CRIM1: variants seen among roughly 807,000 people sequenced by gnomAD.
CRIM1 encodes cysteine rich transmembrane BMP regulator 1.
CRIM1 carries 32 observed loss-of-function variants against 116.4 expected under a neutral mutation model. The observed-to-expected ratio is 0.27, with a 90% CI of 0.21 to 0.37. The LOEUF is 0.37. CRIM1 is among the 10% of genes least tolerant of loss of function. CRIM1 has a pLI of 1.00. For missense variants in CRIM1, 1,331 were observed against 1,354.8 expected, an observed-to-expected ratio of 0.98 and a Z score of 0.28; for synonymous variants, 590 against 509.2, an observed-to-expected ratio of 1.16 and a Z score of -2.13.
At chr2:36,448,387 A>G (rs848512) in intron 4 of CRIM1, among the ~76,000 whole-genome samples, 114,592 of 152,142 alleles carry the variant, frequency 0.75, 43,523 homozygotes, top group East Asian at 0.9. Context: ...CTATTTCTCA[A>G]GAAGATAGAG....
At chr2:36,512,964 T>G (rs145680724) in intron 10 of CRIM1, among the ~76,000 whole-genome samples, 1 of 152,176 alleles carries the variant, frequency 6.6e-6, no homozygotes, top group Admixed American at 6.5e-5. Flanking sequence ...CGTTTCTGCC[T>G]TTACCCCAGC....
intron 7 of CRIM1, among the ~76,000 whole-genome samples, chr2:36,480,425 T>A (rs1046436915): frequency 7.9e-5 from 12 of 152,210 alleles, no homozygotes; most frequent in African/African-American, 2.9e-4. Flanking sequence ...ACATTTCTAA[T>A]AGAGGGTATC....
chr2:36,450,910 A>G (rs1457196026), intron 4 of CRIM1, among the ~76,000 whole-genome samples: 1 of 152,204 alleles, frequency 6.6e-6, no homozygotes, highest in Non-Finnish European at 1.5e-5. Flanking sequence ...GAATAGATAG[A>G]GATGTTTAGA....
At chr2:36,534,235 G>A (rs1477684464) in intron 13 of CRIM1, among the ~76,000 whole-genome samples, 1 of 131,686 alleles carries the variant, frequency 7.6e-6, no homozygotes, top group Non-Finnish European at 1.6e-5. Context: ...GAAGGAGGGT[G>A]GGGAAGGAGG....
At position 36,356,447 on chromosome 2, in the gene CRIM1, C is replaced by T. The variant is rs777197020; in HGVS notation, c.155C>T (p.Pro52Leu). The T allele has an allele frequency of 3.1e-6, 5 of 1,612,058 alleles. No homozygotes were observed. The highest frequency in any genetic ancestry group is 1.1e-5 in the South Asian group (1 of 91,004). ...AAGTGCGAGGAGCCCAGGAACTGCC[C>T]GGGGAGCATCGTGCAGGGCGTCTGC... ...ESKCEEPRNC[P>L]GSIVQGVCGC... The change falls in exon 1 of 17, where the codon CCG becomes CTG. Residue 52 changes from proline to leucine, a missense_variant. Around this residue, in one of 3 missense-constraint regions of CRIM1, gnomAD observed 690 missense variants for 676.0 expected, o/e 1.02. Transcript: ENST00000280527. This position sits in a 1 kb window ranked among gnomAD's most constrained non-coding sequence, Gnocchi z 4.3.
chr2:36,526,587 A>G (rs1665772077), intron 13 of CRIM1, among the ~76,000 whole-genome samples: 1 of 152,112 alleles, frequency 6.6e-6, no homozygotes, highest in Admixed American at 6.5e-5. Flanking sequence ...CACACCACTC[A>G]TATGCCTGTG....
intron 8 of CRIM1, among the ~76,000 whole-genome samples, chr2:36,506,099 C>T (rs552827633): frequency 2.3e-4 from 34 of 150,044 alleles, no homozygotes; most frequent in Admixed American, 1.1e-3. Flanking sequence ...AGGTAGGAAT[C>T]GACCTTGAAC....
At chr2:36,510,913 G>A (rs1664626924) in intron 9 of CRIM1, among the ~76,000 whole-genome samples, 1 of 145,860 alleles carries the variant, frequency 6.9e-6, no homozygotes. Context: ...TGTAGTGCTA[G>A]ATTCCTTTTC....
rs775186155 is a variant in CRIM1, at chr2:36,548,600, A to G, written c.3010A>G (p.Arg1004Gly). 13 of 1,612,990 alleles carry G rather than the reference A, an allele frequency of 8.1e-6. No individual in the cohort carries two copies. Among genetic ancestry groups the G allele is most frequent in the South Asian group, 5.5e-5 (5 of 90,908 alleles). Residue 1004 changes from arginine (R) to glycine (G), a missense_variant, in exon 17 of 17, where the codon AGA (arginine) becomes GGA (glycine). Arg to Gly is a moderately radical substitution (Grantham distance 125, BLOSUM62 -2). This residue lies in a region of CRIM1 where 283 missense variants were observed against 242.8 expected (regional missense o/e 1.17). Coordinates refer to ENST00000280527, the MANE Select transcript of CRIM1 (RefSeq NM_016441.3). Reference sequence around the variant, plus strand: ...CAGAGTCCAGGTGGACAGTTCCCAGAGAATGCTAAGAATTGCAGAACCAGA... The same window carrying G: ...CAGAGTCCAGGTGGACAGTTCCCAGGGAATGCTAAGAATTGCAGAACCAGA... Reference protein sequence around the residue: ...GTRVQVDSSQRMLRIAEPDAR... With the variant: ...GTRVQVDSSQGMLRIAEPDAR...
chr2:36,533,700 C>T (rs559987099), intron 13 of CRIM1, among the ~76,000 whole-genome samples: 2 of 152,316 alleles, frequency 1.3e-5, no homozygotes, highest in East Asian at 3.9e-4. Flanking sequence ...AGACAGTGAT[C>T]TCATACAGTT....
intron 14 of CRIM1, among the ~76,000 whole-genome samples, chr2:36,541,874 G>C (rs1371492314): frequency 6.6e-6 from 1 of 152,100 alleles, no homozygotes; most frequent in Non-Finnish European, 1.5e-5. Flanking sequence ...GGCGGTCTTT[G>C]GCCATAGAAG....
chr2:36,389,098 A>T (rs1435240395), intron 1 of CRIM1, among the ~76,000 whole-genome samples: 1 of 152,110 alleles, frequency 6.6e-6, no homozygotes, highest in Non-Finnish European at 1.5e-5. Context: ...TATGCTTAAA[A>T]TTTTTTCACT....
chr2:36,494,880 A>G (rs1226173647), intron 7 of CRIM1, among the ~76,000 whole-genome samples: 2 of 152,148 alleles, frequency 1.3e-5, no homozygotes, highest in South Asian at 2.1e-4. Context: ...AGCTGATTCA[A>G]TACAAGATGA....
chr2:36,444,195 T>C (rs184077021), intron 4 of CRIM1, among the ~76,000 whole-genome samples: 8 of 152,340 alleles, frequency 5.3e-5, no homozygotes, highest in African/African-American at 1.9e-4. Context: ...TTCACTATTA[T>C]AAATGCCACA....
intron 1 of CRIM1, among the ~76,000 whole-genome samples, chr2:36,395,315 T>A (rs1417699115): frequency 1.3e-5 from 2 of 152,214 alleles, no homozygotes; most frequent in African/African-American, 2.4e-5. Flanking sequence ...AACAGATTTT[T>A]AAGATGGCAT....
chr2:36,531,306 A>G (rs936553523), intron 13 of CRIM1, among the ~76,000 whole-genome samples: 6 of 152,212 alleles, frequency 3.9e-5, no homozygotes, highest in African/African-American at 1.4e-4. Flanking sequence ...AAGAAATCCA[A>G]CTATAACATA....
At chr2:36,368,557 C>G (rs993896400) in intron 1 of CRIM1, among the ~76,000 whole-genome samples, 1 of 152,180 alleles carries the variant, frequency 6.6e-6, no homozygotes, top group Non-Finnish European at 1.5e-5. Context: ...TATTAGCAAT[C>G]AGCTTGTTTG....
chr2:36,533,742 C>T (rs1666280107), intron 13 of CRIM1, among the ~76,000 whole-genome samples: 1 of 152,190 alleles, frequency 6.6e-6, no homozygotes, highest in South Asian at 2.1e-4. Context: ...ACCCTGTATG[C>T]TGTAGCTCAG....
Position 36,550,064 on chromosome 2 carries a change from T to TGCGC in CRIM1, c.*1364_*1365insCGCG, listed in dbSNP as rs1470636654. The TGCGC allele has an allele frequency of 2.6e-4, 39 of 147,578 alleles. No homozygotes were observed. The highest frequency in any genetic ancestry group is 9.7e-4 in the African/African-American group (38 of 39,016). The allele number at this position is 147,578 out of a possible 1,614,324, so 9.1% of individuals were successfully genotyped here. ...GTATGTGTGTGTGTGTGTGTGTGTG[T>TGCGC]GTGCGCGCGCACGCACGCCTTGAGC... is the stretch of plus-strand genomic sequence containing the variant. On this transcript the variant is annotated 3_prime_UTR_variant, in exon 17 of 17. Transcript: ENST00000280527.
Sources: gnomAD v4.1 joint callset for allele counts (sites outside exome capture counted in the v4.1 genomes callset) on GRCh38, gnomAD v4.1.1 for gene constraint, gnomAD v4.1.1 regional missense constraint, Gnocchi (gnomAD v3.1) non-coding constraint, MANE v1.5 for transcripts, NCBI Gene and HGNC (gene_info 2026-07-23, HGNC 2026-07-21) for gene names.